Variants in BST1 observed in about 807,000 individuals in gnomAD.
BST1 encodes bone marrow stromal cell antigen 1.
A neutral mutation model predicts 40.6 loss-of-function variants in BST1; 49 were observed. The ratio of observed to expected loss-of-function variants is 1.21; its 90% CI spans 0.96 to 1.53. BST1 has a LOEUF of 1.53. Among genes scored for constraint, BST1 ranks in the 40% most tolerant of loss-of-function variants. BST1 has a pLI of 0.00. For synonymous variants in BST1, 157 were observed against 159.3 expected (o/e 0.99, Z 0.11); for missense variants, 423 against 395.9 (o/e 1.07, Z -0.58).
intron 4 of BST1, among the ~76,000 whole-genome samples, chr4:15,714,722 G>A (rs557196986): frequency 2.6e-5 from 4 of 152,268 alleles, no homozygotes; most frequent in African/African-American, 7.2e-5. Flanking sequence ...CTGAGCCCAC[G>A]GTTTGCACTC....
chr4:15,759,655 C>T, the BST1 span, among the ~76,000 whole-genome samples: 1 of 151,880 alleles, frequency 6.6e-6, no homozygotes, highest in East Asian at 1.9e-4. Flanking sequence ...TAAGAGGCAG[C>T]GTATGACTAT....
chr4:15,764,809 G>T, the BST1 span, among the ~76,000 whole-genome samples: 3 of 151,648 alleles, frequency 2.0e-5, no homozygotes, highest in South Asian at 6.2e-4. Context: ...ACAGTGATTG[G>T]CTCATAAATG....
the BST1 span, among the ~76,000 whole-genome samples, chr4:15,768,621 G>T: frequency 1.3e-5 from 2 of 151,562 alleles, no homozygotes; most frequent in African/African-American, 4.8e-5. Flanking sequence ...AGCCTCCCGA[G>T]TAGCTGGGAC....
In BST1 at chr4:15,703,339, C is replaced by A. The variant is rs1478168627; in HGVS notation, c.188+7C>A. 6.7e-7 allele frequency: 1 copy of A among 1,489,102 alleles called. No individual in the cohort carries two copies. The highest frequency in any genetic ancestry group is 8.9e-7 in the Non-Finnish European group (1 of 1,129,606). The allele number at this position is 1,489,102 out of a possible 1,614,324, so 92.2% of individuals were successfully genotyped here. A position where few individuals can be genotyped will look rare whatever the true frequency, so the allele number is the denominator to read the frequency against. ...TGCTGAGTCCCGAGCAGCGGTGAGG[C>A]AGTCGGCCGGGTGGAAGGGGAGCCG... On this transcript the variant is annotated splice_region_variant and intron_variant, in intron 1 of 8. Transcript: ENST00000265016.
At chr4:15,735,950 C>A, downstream of BST1, 2 of 596,450 alleles carry the variant, frequency 3.4e-6, no homozygotes, top group Non-Finnish European at 5.1e-6. Context: ...AAAATCTACA[C>A]AATACAGAAA....
Position 15,729,776 on chromosome 4 carries a change from G to A in BST1, c.852-1964G>A, listed in dbSNP as rs116478610. Among the ~76,000 whole-genome samples, 663 of 152,190 alleles carry A rather than the reference G, an allele frequency of 4.4e-3. 4 individuals are homozygous for A. Among genetic ancestry groups the A allele is most frequent in the African/African-American group, 0.015 (618 of 41,532 alleles). On this transcript the variant is annotated intron_variant, in intron 8 of 8. Transcript: ENST00000265016. Reference sequence around the variant, plus strand: ...GAAACCAATGCACAGAACATGAACCGAGACATGTAAACCAGAAGAAAGCAA... The same window carrying A: ...GAAACCAATGCACAGAACATGAACCAAGACATGTAAACCAGAAGAAAGCAA...
downstream of BST1, among the ~76,000 whole-genome samples, chr4:15,742,721 GTTAGGGA>G (rs1721774807): frequency 6.6e-6 from 1 of 152,260 alleles, no homozygotes; most frequent in South Asian, 2.1e-4. Flanking sequence ...TGGGAATTGA[GTTAGGGA>G]TGGCAGGAAG....
chr4:15,761,295 G>A, the BST1 span, among the ~76,000 whole-genome samples: 1 of 151,940 alleles, frequency 6.6e-6, no homozygotes, highest in Non-Finnish European at 1.5e-5. Flanking sequence ...TAAAAATGGA[G>A]TTTTAAAATT....
chr4:15,712,180 T>A (rs10006230), intron 4 of BST1, among the ~76,000 whole-genome samples: 1 of 152,204 alleles, frequency 6.6e-6, no homozygotes, highest in Non-Finnish European at 1.5e-5. Flanking sequence ...ATCATTAGTA[T>A]TTCAAATCAA....
chr4:15,720,526 A>G (rs914147456), intron 7 of BST1, among the ~76,000 whole-genome samples: 3 of 151,544 alleles, frequency 2.0e-5, no homozygotes, highest in Admixed American at 1.3e-4. Flanking sequence ...CTGAGGCAGG[A>G]GAATCACTTG....
the BST1 span, among the ~76,000 whole-genome samples, chr4:15,766,863 G>A: frequency 3.5e-5 from 5 of 144,188 alleles, no homozygotes; most frequent in East Asian, 1.1e-3. Context: ...GACACTCAAA[G>A]CCTTCTGACC....
At chr4:15,714,229 T>C (rs976171853) in intron 4 of BST1, among the ~76,000 whole-genome samples, 3 of 152,246 alleles carry the variant, frequency 2.0e-5, no homozygotes, top group Non-Finnish European at 2.9e-5. Context: ...TGTTTGGTAT[T>C]GTGTATCACT....
At chr4:15,742,417 T>C (rs1375211857), downstream of BST1, among the ~76,000 whole-genome samples, 1 of 152,216 alleles carries the variant, frequency 6.6e-6, no homozygotes, top group Non-Finnish European at 1.5e-5. Flanking sequence ...CTTTGCATAC[T>C]TTGGCTCCCC....
the BST1 span, among the ~76,000 whole-genome samples, chr4:15,769,115 C>T: frequency 6.6e-6 from 1 of 152,184 alleles, no homozygotes; most frequent in Non-Finnish European, 1.5e-5. Flanking sequence ...CCAGCATCTC[C>T]CTTTTCTCCC....
Position 15,731,939 on chromosome 4 carries a change from C to T in BST1, c.*94C>T. 2 of 1,410,020 alleles carry T rather than the reference C, an allele frequency of 1.4e-6. No homozygotes were observed. Among genetic ancestry groups the T allele is most frequent in the Non-Finnish European group, 1.9e-6 (2 of 1,074,214 alleles). The allele number at this position is 1,410,020 out of a possible 1,614,324, so 87.3% of individuals were successfully genotyped here. A position where few individuals can be genotyped will look rare whatever the true frequency, so the allele number is the denominator to read the frequency against. ...TGTGTATACCAAATGATTCTGTTAT[C>T]TAAAGAAGCTTTTTGCTGGGAAAAC... On this transcript the variant is annotated 3_prime_UTR_variant, in exon 9 of 9. Coordinates refer to ENST00000265016, the MANE Select transcript of BST1 (RefSeq NM_004334.3).
the BST1 span, among the ~76,000 whole-genome samples, chr4:15,758,213 G>A: frequency 6.6e-6 from 1 of 151,950 alleles, no homozygotes; most frequent in Non-Finnish European, 1.5e-5. Flanking sequence ...GTGTGTCACT[G>A]GGGTTTGGTA....
At chr4:15,762,024 A>G in the BST1 span, among the ~76,000 whole-genome samples, 1 of 151,588 alleles carries the variant, frequency 6.6e-6, no homozygotes, top group African/African-American at 2.4e-5. Context: ...CCCCGTCTCT[A>G]CTAAAAATAC....
chr4:15,725,370 G>A (rs1006598721), intron 8 of BST1, among the ~76,000 whole-genome samples: 8 of 152,148 alleles, frequency 5.3e-5, no homozygotes, highest in African/African-American at 1.9e-4. Context: ...CCAGGGTTCG[G>A]TGATGGATTT....
intron 8 of BST1, among the ~76,000 whole-genome samples, chr4:15,726,903 C>T (rs970430506): frequency 1.4e-5 from 2 of 146,156 alleles, no homozygotes; most frequent in East Asian, 2.0e-4. Flanking sequence ...TGGAGTCTCG[C>T]TCTGTTGCCC....
Sources: gnomAD v4.1 joint callset for allele counts (sites outside exome capture counted in the v4.1 genomes callset) on GRCh38, gnomAD v4.1.1 for gene constraint, MANE v1.5 for transcripts, NCBI Gene and HGNC (gene_info 2026-07-23, HGNC 2026-07-21) for gene names.